The following SDK2 variants were observed in gnomAD, a reference collection of about 807,000 sequenced individuals.
The protein encoded by SDK2 is protein sidekick-2.
A neutral mutation model predicts 253.9 loss-of-function variants in SDK2; 105 were observed. The ratio of observed to expected loss-of-function variants is 0.41; its 90% CI spans 0.35 to 0.49. The LOEUF is 0.49. Among genes scored for constraint, SDK2 ranks in the 20% least tolerant of loss-of-function variants. The pLI is 0.06. For missense variants in SDK2, 2,608 were observed against 3,003.0 expected (o/e 0.87, Z 3.07); for synonymous variants, 1,249 against 1,234.9 (o/e 1.01, Z -0.24).
At chr17:73,584,799 TC>T (rs1228067480) in intron 1 of SDK2, among the ~76,000 whole-genome samples, 1 of 152,226 alleles carries the variant, frequency 6.6e-6, no homozygotes, top group Admixed American at 6.5e-5. Context: ...TCTGCCTGTG[TC>T]CCTGCAGGGT....
intron 26 of SDK2, 133 bp from the exon 27 acceptor site, chr17:73,393,882 G>T: frequency 1.5e-6 from 1 of 675,340 alleles, no homozygotes; most frequent in Non-Finnish European, 2.3e-6. Context: ...GCTGGACCAT[G>T]TGGCTAGGCA....
At chr17:73,589,956 A>G (rs2045659692) in intron 1 of SDK2, among the ~76,000 whole-genome samples, 3 of 152,248 alleles carry the variant, frequency 2.0e-5, no homozygotes, top group Admixed American at 2.0e-4. Flanking sequence ...GTCAGGCAGG[A>G]ATCTCTTCCA....
At chr17:73,428,841 G>T (rs1416348484) in intron 12 of SDK2, among the ~76,000 whole-genome samples, 1 of 152,070 alleles carries the variant, frequency 6.6e-6, no homozygotes, top group African/African-American at 2.4e-5. Flanking sequence ...AATTTTGGGG[G>T]GGATAAAGGG....
At chr17:73,555,084 C>T (rs538027006) in intron 1 of SDK2, among the ~76,000 whole-genome samples, 7 of 152,350 alleles carry the variant, frequency 4.6e-5, no homozygotes, top group Non-Finnish European at 8.8e-5. Context: ...CATCTCCAGC[C>T]CTGGTGAACC....
In SDK2 at chr17:73,379,132, G is replaced by T; in HGVS notation, c.4980+45C>A. The T allele has an allele frequency of 1.4e-6, 2 of 1,423,666 alleles. No individual in the cohort carries two copies. The highest frequency in any genetic ancestry group is 1.9e-6 in the Non-Finnish European group (2 of 1,033,388). 88.2% of individuals were successfully genotyped at this position (1,423,666 alleles called of 1,614,324 possible). ...CACTCACTCCCCAGCCTCCGACCTG[G>T]CTTCTCATCCGTGCACCCCTTTGCT... On this transcript the variant is annotated intron_variant, in intron 36 of 44. Coordinates refer to ENST00000392650, the MANE Select transcript of SDK2 (RefSeq NM_001144952.2). This position sits in a 1 kb window ranked among gnomAD's most constrained non-coding sequence, Gnocchi z 4.5.
intron 4 of SDK2, among the ~76,000 whole-genome samples, chr17:73,449,972 G>A (rs186943794): frequency 6.6e-6 from 1 of 152,276 alleles, no homozygotes; most frequent in African/African-American, 2.4e-5. Context: ...CAAAAAACAG[G>A]AGAGTCCTTT....
At chr17:73,483,694 TATATATATATA>T (rs2063751359) in intron 2 of SDK2, among the ~76,000 whole-genome samples, 8 of 82,666 alleles carry the variant, frequency 9.7e-5, no homozygotes, top group Admixed American at 6.1e-4. Flanking sequence ...TATATATATA[TATATATATATA>T]TATTTTTTTT....
chr17:73,598,867 T>C (rs76115618), intron 1 of SDK2, among the ~76,000 whole-genome samples: 8,788 of 152,308 alleles, frequency 0.058, 393 homozygotes, highest in African/African-American at 0.12. Context: ...CCTCTCCTGC[T>C]TTCCGTTTCC....
At chr17:73,599,455 A>G (rs2045807463) in intron 1 of SDK2, among the ~76,000 whole-genome samples, 1 of 152,082 alleles carries the variant, frequency 6.6e-6, no homozygotes, top group Non-Finnish European at 1.5e-5. Flanking sequence ...GAATCACTTG[A>G]ACCCAGGAGG....
intron 1 of SDK2, among the ~76,000 whole-genome samples, chr17:73,636,920 T>C (rs2046339518): frequency 1.3e-5 from 2 of 152,182 alleles, no homozygotes; most frequent in South Asian, 2.1e-4. Context: ...TTATCTCATT[T>C]AAGCCTTGGA....
chr17:73,638,050 C>A (rs370479341), intron 1 of SDK2, among the ~76,000 whole-genome samples: 4 of 152,322 alleles, frequency 2.6e-5, no homozygotes, highest in Admixed American at 2.0e-4. Context: ...TCTTGAGGTA[C>A]CTGGCTGCTC....
In SDK2 at chr17:73,642,813, T is replaced by G. The variant is rs2046414315; in HGVS notation, c.64+1212A>C. On this transcript the variant is annotated intron_variant, in intron 1 of 44. Coordinates refer to ENST00000392650, the MANE Select transcript of SDK2 (RefSeq NM_001144952.2). The surrounding 1 kb of genome is among the most constrained non-coding windows in gnomAD (Gnocchi z 4.7). ...AAGTGCTTTTATGTAAATTACCTCG[T>G]AAAATCCTCCCCTCAGCCCTGTGAG... 6.6e-6 allele frequency among the ~76,000 whole-genome samples: 1 copy of G among 152,226 alleles called. No homozygotes were observed. The highest frequency in any genetic ancestry group is 2.4e-5 in the African/African-American group (1 of 41,458).
intron 40 of SDK2, among the ~76,000 whole-genome samples, chr17:73,355,551 T>C (rs1260540126): frequency 6.6e-6 from 1 of 152,116 alleles, no homozygotes; most frequent in African/African-American, 2.4e-5. Flanking sequence ...TTTCACCATA[T>C]TGGCGAGGAT....
chr17:73,440,505 T>C (rs894834927), intron 6 of SDK2, among the ~76,000 whole-genome samples: 1 of 152,122 alleles, frequency 6.6e-6, no homozygotes, highest in African/African-American at 2.4e-5. Context: ...ACCCACTCCC[T>C]CTGGGCTCCT....
Position 73,379,292 on chromosome 17 carries a change from A to T in SDK2, c.4865T>A (p.Val1622Glu). The change falls in exon 36 of 45, where the codon GTG becomes GAG. Residue 1622 changes from valine to glutamate, a missense_variant and splice_region_variant. Physicochemically the swap from Val to Glu is moderately radical, Grantham distance 121 (BLOSUM62 -2). This residue lies in a region of SDK2 where 1,103 missense variants were observed against 1,143.9 expected (regional missense o/e 0.96). Transcript: ENST00000392650. The surrounding 1 kb of genome is among the most constrained non-coding windows in gnomAD (Gnocchi z 4.5). Reference sequence around the variant, plus strand: ...CACGTTACGAGGTGCTGCTGTGGGCACTGGAGGGCGTGCAGGGTAGGCAGT... The same window carrying T: ...CACGTTACGAGGTGCTGCTGTGGGCTCTGGAGGGCGTGCAGGGTAGGCAGT... ...PPQEVFVGEA[V>E]PTAAPRNVVV... The T allele has an allele frequency of 6.4e-7, 1 of 1,553,320 alleles. No homozygotes were observed. Among genetic ancestry groups the T allele is most frequent in the Non-Finnish European group, 8.7e-7 (1 of 1,147,772 alleles).
chr17:73,387,484 G>T (rs923956543), intron 30 of SDK2, among the ~76,000 whole-genome samples: 1 of 152,162 alleles, frequency 6.6e-6, no homozygotes, highest in Admixed American at 6.5e-5. Context: ...TAGAATTTCG[G>T]AGTGACGCTC....
chr17:73,397,071 G>T (rs2062977169), intron 24 of SDK2, among the ~76,000 whole-genome samples: 1 of 152,230 alleles, frequency 6.6e-6, no homozygotes, highest in Non-Finnish European at 1.5e-5. Flanking sequence ...TTTGCACAAT[G>T]AGTGAGATCT....
chr17:73,561,823 A>G (rs564150869), intron 1 of SDK2, among the ~76,000 whole-genome samples: 1 of 152,300 alleles, frequency 6.6e-6, no homozygotes, highest in Admixed American at 6.5e-5. Context: ...AATCCTAGTC[A>G]TCAAGATAAA....
chr17:73,510,887 A>G (rs891770683), intron 1 of SDK2, among the ~76,000 whole-genome samples: 1 of 152,152 alleles, frequency 6.6e-6, no homozygotes, highest in South Asian at 2.1e-4. Context: ...CGTCTTAAAA[A>G]CAGTTGAGAA....
Sources: allele counts gnomAD v4.1 joint callset (sites outside exome capture counted in the v4.1 genomes callset), GRCh38; gene constraint gnomAD v4.1.1; regional missense constraint gnomAD v4.1.1; non-coding constraint Gnocchi (gnomAD v3.1); transcripts MANE v1.5; gene names NCBI Gene and HGNC (gene_info 2026-07-23, HGNC 2026-07-21).